RPAP1: variants seen among roughly 807,000 people sequenced by gnomAD.
RPAP1 encodes the protein RNA polymerase II-associated protein 1.
Under a neutral mutation model 142.4 loss-of-function variants are expected in RPAP1, and 109 were observed. That is an observed-to-expected ratio of 0.77 (90% CI 0.66 to 0.90). The LOEUF (loss-of-function observed/expected upper bound fraction) is 0.90. Among genes scored for constraint, RPAP1 ranks in the 40% least tolerant of loss-of-function variants. The pLI, the probability that RPAP1 is intolerant of heterozygous loss-of-function variation, is 0.00. For synonymous variants in RPAP1, 704 were observed against 738.9 expected, an observed-to-expected ratio of 0.95 and a Z score of 0.77; for missense variants, 1,546 against 1,751.7, an observed-to-expected ratio of 0.88 and a Z score of 2.10.
At chr15:41,518,337 G>T in intron 22 of RPAP1, 155 bp from the exon 23 acceptor site, 1 of 637,876 alleles carries the variant, frequency 1.6e-6, no homozygotes, top group South Asian at 2.6e-5. Flanking sequence ...CAGGGTTAAA[G>T]ACTACAGAGC....
chr15:41,533,865 T>TTTAAAAAAAAAAAAAAACCCAAA (rs2051880222), intron 6 of RPAP1, among the ~76,000 whole-genome samples: 1 of 143,728 alleles, frequency 7.0e-6, no homozygotes, highest in African/African-American at 2.6e-5. Context: ...CTAGGCGCAG[T>TTTAAAAAAAAAAAAAAACCCAAA]GGCTCCAGCA....
intron 6 of RPAP1, among the ~76,000 whole-genome samples, chr15:41,533,982 TATG>T (rs2051881758): frequency 6.8e-6 from 1 of 146,856 alleles, no homozygotes; most frequent in Non-Finnish European, 1.5e-5. Flanking sequence ...ATTAGTTGGG[TATG>T]GTGGTGGGCA....
At chr15:41,522,631 C>T (rs1416676538) in intron 19 of RPAP1, 134 bp downstream of exon 19, 4 of 747,546 alleles carry the variant, frequency 5.4e-6, no homozygotes, top group Non-Finnish European at 6.2e-6. Flanking sequence ...CTCAGGTGAT[C>T]TGCCCACCTC....
At chr15:41,540,370 C>T (rs1353917712) in intron 1 of RPAP1, among the ~76,000 whole-genome samples, 7 of 149,950 alleles carry the variant, frequency 4.7e-5, no homozygotes, top group Admixed American at 2.0e-4. Flanking sequence ...GGCACGATCT[C>T]GGCTCACTGC....
Position 41,524,222 on chromosome 15 carries a change from TG to T in RPAP1, c.2107del (p.Gln703ArgfsTer20), listed in dbSNP as rs1254667097. 6.4e-7 allele frequency: 1 copy of T among 1,551,990 alleles called. No individual in the cohort carries two copies. Among genetic ancestry groups the T allele is most frequent in the South Asian group, 1.2e-5 (1 of 81,792 alleles). On this transcript the variant is annotated frameshift_variant, in exon 16 of 25. Transcript: ENST00000304330. LOFTEE classifies it high-confidence loss of function. The part of the protein sequence containing the change: ...ELYPVLMRAL[Q>X]VVPRELSTHP... ...GGTGCTGAGCTCCCGCGGCACCACC[TG>T]CAAGGCCCGCATCAGCACTGGGTAG...
At chr15:41,535,401 G>T in intron 5 of RPAP1, 111 bp downstream of exon 5, 1 of 1,434,312 alleles carries the variant, frequency 7.0e-7, no homozygotes, top group Non-Finnish European at 9.3e-7. Flanking sequence ...GACTACTTGA[G>T]ATGGCTCAAA....
At chr15:41,539,717 A>G (rs1191891914) in intron 1 of RPAP1, among the ~76,000 whole-genome samples, 1 of 152,076 alleles carries the variant, frequency 6.6e-6, no homozygotes, top group Non-Finnish European at 1.5e-5. Flanking sequence ...GGCCTGAGCT[A>G]CTGCACCTGG....
chr15:41,534,604 A>AAT, intron 6 of RPAP1, 110 bp downstream of exon 6: 1 of 530,958 alleles, frequency 1.9e-6, no homozygotes, highest in East Asian at 4.3e-5. Context: ...AAAAAAAAAA[A>AAT]AAAAGCATTA....
intron 21 of RPAP1, among the ~76,000 whole-genome samples, 178 bp downstream of exon 21, chr15:41,521,560 G>C (rs1426894118): frequency 6.6e-6 from 1 of 152,134 alleles, no homozygotes; most frequent in African/African-American, 2.4e-5. Context: ...AATCATTCTT[G>C]GGTGTGGTTA....
intron 1 of RPAP1, among the ~76,000 whole-genome samples, chr15:41,539,280 T>A (rs529976512): frequency 1.4e-5 from 2 of 141,174 alleles, no homozygotes; most frequent in Non-Finnish European, 3.1e-5. Flanking sequence ...CTAATTTTTG[T>A]TTTTTTTTTT....
In RPAP1 at chr15:41,527,468, T is replaced by C; in HGVS notation, c.1566A>G (p.Glu522=). ...CCAGGTCAGGTGGAGGCCGGCTTTC[T>C]TCTTCAGGGCTTTTCCTTTTTGCTT... ...AGKAKRKSPE[E]ESRPPPDLAR... is the part of the protein sequence containing the mutation. The change falls in exon 12 of 25, where the codon GAA becomes GAG. Residue 522 remains glutamate, a synonymous_variant. Transcript: ENST00000304330. The C allele has an allele frequency of 1.2e-6, 2 of 1,614,158 alleles. No homozygotes were observed. The highest frequency in any genetic ancestry group is 2.2e-5 in the South Asian group (2 of 91,090).
At chr15:41,544,078 G>A (rs1022586644) in intron 1 of RPAP1, 141 bp downstream of exon 1, 13 of 152,458 alleles carry the variant, frequency 8.5e-5, no homozygotes, top group African/African-American at 2.9e-4. Flanking sequence ...CCGTGCCCGA[G>A]ATCTATGCAC....
rs1230309891 is a variant in RPAP1 at position 41,522,236 on chromosome 15, C to T, written c.2757G>A (p.Leu919=). Residue 919 remains leucine (L), a synonymous_variant, in exon 20 of 25, where the codon TTG becomes TTA. Coordinates refer to ENST00000304330, the MANE Select transcript of RPAP1 (RefSeq NM_015540.4). ...KGLCGQLAAI[L]AAPGLQNYFL... ...AGTAATTCTGGAGTCCCGGGGCAGC[C>T]AATATGGCAGCCAGCTGAGGAAAAG... The T allele has an allele frequency of 1.7e-5, 27 of 1,613,888 alleles. No homozygotes were observed. The highest frequency in any genetic ancestry group is 2.3e-5 in the Non-Finnish European group (27 of 1,179,992).
rs200070923 is a variant in RPAP1 at position 41,521,133 on chromosome 15, C to T, written c.3053G>A (p.Gly1018Glu). ...RLEFLPERTS[G>E]GPEAADFSDQ... ...AGAGAAGTCGGCTGCCTCTGGACCC[C>T]CTGATGTTCTTTCCCTGTAATGGGA... Residue 1018 changes from glycine to glutamate, a missense_variant, in exon 22 of 25, where the codon GGG (glycine) becomes GAG (glutamate). This residue lies in a region of RPAP1 where 1,333 missense variants were observed against 1,486.6 expected (regional missense o/e 0.90). Coordinates refer to ENST00000304330, the MANE Select transcript of RPAP1 (RefSeq NM_015540.4). The T allele has an allele frequency of 2.1e-5, 32 of 1,511,124 alleles. No individual in the cohort carries two copies. Among genetic ancestry groups the T allele is most frequent in the Non-Finnish European group, 2.7e-5 (31 of 1,130,716 alleles). The allele number at this position is 1,511,124 out of a possible 1,614,324, so 93.6% of individuals were successfully genotyped here.
At chr15:41,535,964 G>A (rs1470931905) in intron 4 of RPAP1, among the ~76,000 whole-genome samples, 165 bp downstream of exon 4, 1 of 152,152 alleles carries the variant, frequency 6.6e-6, no homozygotes, top group African/African-American at 2.4e-5. Flanking sequence ...TGCCTTATAT[G>A]TTTGTTATGA....
intron 10 of RPAP1, 75 bp from the exon 11 acceptor site, chr15:41,528,102 C>T: frequency 6.4e-7 from 1 of 1,561,472 alleles, no homozygotes; most frequent in Non-Finnish European, 8.7e-7. Flanking sequence ...CTTCGTTTGC[C>T]CCCCTATGAT....
intron 22 of RPAP1, 66 bp from the exon 23 acceptor site, chr15:41,518,248 G>A: frequency 7.3e-7 from 1 of 1,375,666 alleles, no homozygotes; most frequent in Non-Finnish European, 9.8e-7. Flanking sequence ...TAAGGTGTGT[G>A]GATAACGATC....
intron 14 of RPAP1, 21 bp downstream of exon 14, chr15:41,526,877 C>G: frequency 1.3e-6 from 2 of 1,592,842 alleles, no homozygotes; most frequent in Non-Finnish European, 1.7e-6. Context: ...TCCCCCATCC[C>G]TTGCCCTGTG....
At chr15:41,542,662 C>G (rs551480097) in intron 1 of RPAP1, among the ~76,000 whole-genome samples, 1 of 152,262 alleles carries the variant, frequency 6.6e-6, no homozygotes, top group South Asian at 2.1e-4. Context: ...ACTGTGTAAG[C>G]TTAAGCAAGG....
Sources: allele counts gnomAD v4.1 joint callset (sites outside exome capture counted in the v4.1 genomes callset), GRCh38; gene constraint gnomAD v4.1.1; regional missense constraint gnomAD v4.1.1; transcripts MANE v1.5; gene names NCBI Gene and HGNC (gene_info 2026-07-23, HGNC 2026-07-21).